Variants in MCTP1 observed in about 807,000 individuals in gnomAD.
The protein encoded by MCTP1 is multiple C2 and transmembrane domain containing 1, also known as multiple C2 and transmembrane domain-containing protein 1.
A neutral mutation model predicts 120.6 loss-of-function variants in MCTP1; 69 were observed. The ratio of observed to expected loss-of-function variants is 0.57; its 90% confidence interval spans 0.47 to 0.70. The LOEUF (loss-of-function observed/expected upper bound fraction) is 0.70, where lower values mean the gene tolerates loss of function less well. Ranked by LOEUF, MCTP1 falls within the 30% of genes least tolerant of loss-of-function variation. The pLI is 0.00. For missense variants in MCTP1, 1,203 were observed against 1,248.8 expected (o/e 0.96, Z 0.55); for synonymous variants, 529 against 493.1 (o/e 1.07, Z -0.96).
chr5:95,226,830 T>A (rs1347801373), intron 1 of MCTP1, among the ~76,000 whole-genome samples: 1 of 151,834 alleles, frequency 6.6e-6, no homozygotes, highest in Admixed American at 6.6e-5. Context: ...AAAAAAAAAA[T>A]TTATTTGAGG....
At chr5:95,080,435 A>G (rs1754633752) in intron 1 of MCTP1, among the ~76,000 whole-genome samples, 1 of 152,234 alleles carries the variant, frequency 6.6e-6, no homozygotes, top group African/African-American at 2.4e-5. Context: ...ATCTCCAAGC[A>G]TGATAGTAAG....
At chr5:95,174,864 A>G (rs1196004619) in intron 1 of MCTP1, among the ~76,000 whole-genome samples, 1 of 152,198 alleles carries the variant, frequency 6.6e-6, no homozygotes, top group South Asian at 2.1e-4. Flanking sequence ...TGTACATCTT[A>G]TTTGGTTACT....
intron 19 of MCTP1, among the ~76,000 whole-genome samples, chr5:94,769,230 G>A (rs997654286): frequency 6.6e-6 from 1 of 152,122 alleles, no homozygotes; most frequent in Non-Finnish European, 1.5e-5. Context: ...ACTAGAGGCT[G>A]GGAAGCGGGT....
chr5:95,061,027 T>G (rs1748907973), intron 1 of MCTP1, among the ~76,000 whole-genome samples: 1 of 150,734 alleles, frequency 6.6e-6, no homozygotes, highest in Non-Finnish European at 1.5e-5. Context: ...TTTTGCATTC[T>G]TAATTCCCAG....
intron 10 of MCTP1, among the ~76,000 whole-genome samples, chr5:94,902,815 G>A (rs1805862040): frequency 6.6e-6 from 1 of 152,102 alleles, no homozygotes; most frequent in South Asian, 2.1e-4. Context: ...AACTCTCTCT[G>A]GGGAGATTGA....
chr5:94,917,964 T>A lies in MCTP1; in HGVS notation c.1282A>T (p.Arg428Trp), dbSNP rs568857146. 1 of 1,613,920 alleles carries A rather than the reference T, an allele frequency of 6.2e-7. No homozygotes were observed. Among genetic ancestry groups the A allele is most frequent in the East Asian group, 2.2e-5 (1 of 44,880 alleles). Residue 428 changes from arginine to tryptophan, a missense_variant, in exon 8 of 23, where the codon AGG becomes TGG. Around this residue, in one of 2 missense-constraint regions of MCTP1, gnomAD observed 740 missense variants for 871.1 expected, o/e 0.85. Transcript: ENST00000515393. ...VKSLFWRTCG[R>W]PALPVLGFCR... The stretch of plus-strand genomic sequence containing the variant: ...AAGCCCAGGACAGGAAGAGCTGGCC[T>A]GCCGCACGTCTGGATGGAAATGAAT...
intron 7 of MCTP1, 72 bp downstream of exon 7, chr5:94,923,890 G>T: frequency 1.2e-6 from 1 of 856,122 alleles, no homozygotes; most frequent in Non-Finnish European, 1.8e-6. Context: ...ACTCTTAGTT[G>T]CCATGTAACT....
At chr5:95,085,231 C>T (rs545390367) in intron 1 of MCTP1, among the ~76,000 whole-genome samples, 4 of 152,158 alleles carry the variant, frequency 2.6e-5, no homozygotes, top group Admixed American at 2.0e-4. Flanking sequence ...CAAAAGTAAA[C>T]GCCCTCCTGA....
intron 1 of MCTP1, among the ~76,000 whole-genome samples, chr5:95,073,778 C>T (rs11749605): frequency 0.48 from 72,816 of 151,916 alleles, 19,864 homozygotes; most frequent in Admixed American, 0.62. Flanking sequence ...ATTCTTGGTG[C>T]CCCAGGTTTT....
chr5:94,907,533 G>A (rs1376724398), intron 10 of MCTP1, among the ~76,000 whole-genome samples: 1 of 149,818 alleles, frequency 6.7e-6, no homozygotes, highest in African/African-American at 2.5e-5. Context: ...TAATCCCTAT[G>A]ATCTTCTACC....
intron 17 of MCTP1, among the ~76,000 whole-genome samples, chr5:94,846,809 G>C (rs941200251): frequency 7.8e-6 from 1 of 128,976 alleles, no homozygotes; most frequent in African/African-American, 3.2e-5. Flanking sequence ...GTGTGTCTCT[G>C]TGTGTGTCTG....
intron 1 of MCTP1, among the ~76,000 whole-genome samples, chr5:95,216,334 A>T (rs1753032011): frequency 1.3e-5 from 2 of 152,216 alleles, no homozygotes; most frequent in South Asian, 4.1e-4. Flanking sequence ...ATACATCCAT[A>T]GGAAGCTTGG....
chr5:94,990,192 C>T (rs1421221088), intron 2 of MCTP1, among the ~76,000 whole-genome samples: 1 of 152,156 alleles, frequency 6.6e-6, no homozygotes, highest in Non-Finnish European at 1.5e-5. Context: ...GCTGTGTTAA[C>T]ACTGGGTAAT....
At chr5:95,192,246 G>A (rs749111355) in intron 1 of MCTP1, among the ~76,000 whole-genome samples, 2 of 151,970 alleles carry the variant, frequency 1.3e-5, no homozygotes, top group African/African-American at 2.4e-5. Flanking sequence ...GGTGAGGCAT[G>A]TATGTATAAC....
intron 1 of MCTP1, among the ~76,000 whole-genome samples, chr5:95,114,418 A>G (rs1354437750): frequency 6.6e-6 from 1 of 152,146 alleles, no homozygotes; most frequent in Non-Finnish European, 1.5e-5. Flanking sequence ...CAGAGGGAAG[A>G]CCACTGCCCT....
At chr5:95,212,438 G>C (rs1752496881) in intron 1 of MCTP1, among the ~76,000 whole-genome samples, 1 of 151,916 alleles carries the variant, frequency 6.6e-6, no homozygotes, top group East Asian at 1.9e-4. Flanking sequence ...AGAGGTACAA[G>C]GAGGAACTGG....
chr5:94,933,874 C>CT (rs1466495001), intron 5 of MCTP1, among the ~76,000 whole-genome samples: 1 of 151,758 alleles, frequency 6.6e-6, no homozygotes, highest in African/African-American at 2.4e-5. Context: ...TCAAAATCAG[C>CT]TTTATAAGCA....
intron 1 of MCTP1, among the ~76,000 whole-genome samples, chr5:95,066,515 A>G (rs917410912): frequency 6.6e-6 from 1 of 152,232 alleles, no homozygotes; most frequent in African/African-American, 2.4e-5. Flanking sequence ...TCCAAAGGAA[A>G]TGAAATCAGT....
intron 17 of MCTP1, among the ~76,000 whole-genome samples, chr5:94,864,060 G>A (rs1796319882): frequency 6.6e-6 from 1 of 151,808 alleles, no homozygotes; most frequent in African/African-American, 2.4e-5. Flanking sequence ...ATGAACCAGA[G>A]TGGCTTCGAT....
Sources: gnomAD v4.1 joint callset for allele counts (sites outside exome capture counted in the v4.1 genomes callset) on GRCh38, gnomAD v4.1.1 for gene constraint, gnomAD v4.1.1 regional missense constraint, MANE v1.5 for transcripts, NCBI Gene and HGNC (gene_info 2026-07-23, HGNC 2026-07-21) for gene names.